Variants in EFHB observed in about 807,000 individuals in gnomAD.
The protein encoded by EFHB is EF-hand domain-containing family member B.
In EFHB, 91 loss-of-function variants were observed where a neutral mutation model predicts 87.2. The ratio of observed to expected loss-of-function variants is 1.04; its 90% CI spans 0.88 to 1.24. EFHB has a LOEUF of 1.24. Among genes scored for constraint, EFHB ranks in the 50% most tolerant of loss-of-function variants. The probability of loss-of-function intolerance (pLI) is 0.00; values close to 1 mark genes in which losing one functional copy is unlikely to be tolerated. For missense variants in EFHB, 1,084 were observed against 998.8 expected, an observed-to-expected ratio of 1.09 and a Z score of -1.15; for synonymous variants, 325 against 333.6, an observed-to-expected ratio of 0.97 and a Z score of 0.28.
At chr3:19,912,891 A>T (rs890636347) in intron 5 of EFHB, among the ~76,000 whole-genome samples, 2 of 152,214 alleles carry the variant, frequency 1.3e-5, no homozygotes, top group African/African-American at 2.4e-5. Flanking sequence ...AAATCAATCA[A>T]TGGGATATAT....
Position 19,933,629 on chromosome 3 carries a change from C to A in EFHB, c.390G>T (p.Leu130Phe). ...CCTGTGAACTTCCACACACCCTGCC[C>A]AAAGGAGGCTGTATTATCCGTTCAT... ...YTHERIIQPP[L>F]GRVCGSSQAA... is the part of the protein sequence containing the mutation. Residue 130 changes from leucine (L) to phenylalanine (F), a missense_variant, in exon 1 of 13, where the codon TTG becomes TTT. By Grantham distance (22) the Leu-to-Phe change is conservative. Transcript: ENST00000295824. 1 of 1,613,984 alleles carries A rather than the reference C, an allele frequency of 6.2e-7. No individual in the cohort carries two copies. The highest frequency in any genetic ancestry group is 8.5e-7 in the Non-Finnish European group (1 of 1,179,900).
chr3:19,918,272 C>T lies in EFHB; in HGVS notation c.1137G>A (p.Met379Ile). 6.2e-7 allele frequency: 1 copy of T among 1,612,706 alleles called. No homozygotes were observed. The highest frequency in any genetic ancestry group is 1.1e-5 in the South Asian group (1 of 90,744). The change falls in exon 4 of 13, where the codon ATG becomes ATA. Residue 379 changes from methionine (M) to isoleucine (I), a missense_variant. Coordinates refer to ENST00000295824, the MANE Select transcript of EFHB (RefSeq NM_144715.4). ...TCCCAAATGTCGTATTGGTTGTGTC[C>T]ATGCCTTTTGGTAATCCTGGTGCTT... ...HDQAPGLPKG[M>I]DTTNTTFGTA...
intron 1 of EFHB, chr3:19,942,973 T>C: frequency 4.1e-6 from 1 of 246,874 alleles, no homozygotes; most frequent in South Asian, 5.5e-5. Flanking sequence ...GGACAGAAGT[T>C]TTTTTTATCT....
intron 10 of EFHB, among the ~76,000 whole-genome samples, chr3:19,886,181 G>T (rs1368918495): frequency 6.6e-6 from 1 of 152,134 alleles, no homozygotes; most frequent in Non-Finnish European, 1.5e-5. Flanking sequence ...GTTTATGAAA[G>T]GGTTGGAGTA....
intron 6 of EFHB, among the ~76,000 whole-genome samples, chr3:19,901,680 G>A (rs1471025761): frequency 1.3e-5 from 2 of 152,232 alleles, no homozygotes; most frequent in African/African-American, 4.8e-5. Context: ...CAGGCGCAGC[G>A]GCTCACACCT....
chr3:19,936,063 C>CCAGAACTCTA (rs1465567641), upstream of EFHB: 4 of 1,217,050 alleles, frequency 3.3e-6, no homozygotes, highest in Non-Finnish European at 4.1e-6. Flanking sequence ...TTACAGGATT[C>CCAGAACTCTA]CAGAACTCTA....
In EFHB at chr3:19,933,980, A is replaced by T; in HGVS notation, c.39T>A (p.Asp13Glu). The T allele has an allele frequency of 6.2e-7, 1 of 1,611,684 alleles. No individual in the cohort carries two copies. The highest frequency in any genetic ancestry group is 8.5e-7 in the Non-Finnish European group (1 of 1,178,760). ...MEIGHPHEGK[D>E]DLGDKRVIMG... is the part of the protein sequence containing the mutation. The stretch of plus-strand genomic sequence containing the variant: ...TGATGACCCTCTTGTCTCCTAAATC[A>T]TCCTTTCCTTCGTGGGGATGTCCAA... The change falls in exon 1 of 13, where the codon GAT becomes GAA. Residue 13 changes from aspartate to glutamate, a missense_variant. Coordinates refer to ENST00000295824, the MANE Select transcript of EFHB (RefSeq NM_144715.4).
chr3:19,893,225 G>A (rs1694362418), intron 9 of EFHB, among the ~76,000 whole-genome samples: 1 of 152,150 alleles, frequency 6.6e-6, no homozygotes, highest in South Asian at 2.1e-4. Flanking sequence ...ACAGGCATGA[G>A]CCACCATGCC....
At chr3:19,898,510 T>C (rs924514351) in intron 8 of EFHB, among the ~76,000 whole-genome samples, 4 of 152,192 alleles carry the variant, frequency 2.6e-5, no homozygotes, top group African/African-American at 9.7e-5. Flanking sequence ...ATATAGGCCA[T>C]ATTTATTTTT....
intron 9 of EFHB, 114 bp from the exon 10 acceptor site, chr3:19,888,765 G>C (rs1055469716): frequency 7.3e-5 from 67 of 916,622 alleles, no homozygotes; most frequent in Non-Finnish European, 1.1e-4. Context: ...ATTCAAATTT[G>C]TCTCAATTTT....
At chr3:19,941,947 G>A (rs1353038800) in intron 1 of EFHB, among the ~76,000 whole-genome samples, 2 of 151,470 alleles carry the variant, frequency 1.3e-5, no homozygotes, top group Non-Finnish European at 2.9e-5. Context: ...CTGAAGTCAG[G>A]TGTTTGAGAC....
At chr3:19,879,855 T>A (rs2071629212) in intron 12 of EFHB, 51 bp from the exon 13 acceptor site, 1 of 1,478,978 alleles carries the variant, frequency 6.8e-7, no homozygotes, top group South Asian at 1.4e-5. Flanking sequence ...TTAAAACTTG[T>A]AATGAAAAAT....
chr3:19,911,981 A>G (rs1167252729), intron 5 of EFHB, among the ~76,000 whole-genome samples: 4 of 151,988 alleles, frequency 2.6e-5, no homozygotes, highest in African/African-American at 9.7e-5. Flanking sequence ...TTTTATTTTT[A>G]AAGTTATTGC....
intron 1 of EFHB, chr3:19,942,930 G>C (rs942742136): frequency 1.6e-5 from 3 of 191,508 alleles, no homozygotes; most frequent in Admixed American, 6.1e-5. Flanking sequence ...CCACAGTCCA[G>C]TACCAGTCCA....
Position 19,920,567 on chromosome 3 carries a change from C to G in EFHB, c.790G>C (p.Ala264Pro), listed in dbSNP as rs961247075. Reference sequence around the variant, plus strand: ...TAACCAACTGGAATAACTTTTCCTGCCTTTGGGGGAAAAAAATGGGTTGAT... The same window carrying G: ...TAACCAACTGGAATAACTTTTCCTGGCTTTGGGGGAAAAAAATGGGTTGAT... ...FFDRTPCWPS[A>P]GKVIPVGYRV... The change falls in exon 2 of 13, where the codon GCA becomes CCA. Residue 264 changes from alanine (A) to proline (P), a missense_variant and splice_region_variant. Coordinates refer to ENST00000295824, the MANE Select transcript of EFHB (RefSeq NM_144715.4). The G allele has an allele frequency of 3.8e-6, 6 of 1,590,662 alleles. No individual in the cohort carries two copies. The highest frequency in any genetic ancestry group is 5.1e-6 in the Non-Finnish European group (6 of 1,171,754).
chr3:19,946,049 A>T (rs116099034), intron 1 of EFHB: 8 of 152,164 alleles, frequency 5.3e-5, no homozygotes, highest in Non-Finnish European at 1.2e-4. Context: ...CAGAGACTGA[A>T]TGTGGTGTGG....
chr3:19,919,735 G>T, intron 3 of EFHB, 98 bp downstream of exon 3: 1 of 1,200,854 alleles, frequency 8.3e-7, no homozygotes, highest in Non-Finnish European at 1.2e-6. Flanking sequence ...ATATGGGTGG[G>T]AAGGAGATTG....
intron 1 of EFHB, among the ~76,000 whole-genome samples, chr3:19,939,597 G>A (rs989127309): frequency 8.6e-5 from 13 of 151,710 alleles, no homozygotes; most frequent in South Asian, 2.1e-4. Context: ...TGTTAGCCAG[G>A]ATGGTCTCTA....
intron 1 of EFHB, among the ~76,000 whole-genome samples, chr3:19,942,724 T>C (rs1356006669): frequency 6.6e-6 from 1 of 152,172 alleles, no homozygotes; most frequent in Admixed American, 6.5e-5. Flanking sequence ...TAGATTGTCA[T>C]AAGAAGTGCT....
Sources: gnomAD v4.1 joint callset for allele counts (sites outside exome capture counted in the v4.1 genomes callset) on GRCh38, gnomAD v4.1.1 for gene constraint, MANE v1.5 for transcripts, NCBI Gene and HGNC (gene_info 2026-07-23, HGNC 2026-07-21) for gene names.